Variants in RIMS2 observed in about 807,000 individuals in gnomAD.
The protein encoded by RIMS2 is regulating synaptic membrane exocytosis 2, also known as regulating synaptic membrane exocytosis protein 2.
A neutral mutation model predicts 174.4 loss-of-function variants in RIMS2; 59 were observed. The observed-to-expected ratio is 0.34, with a 90% CI of 0.27 to 0.42. RIMS2 has a LOEUF of 0.42. RIMS2 is among the 10% of genes least tolerant of loss of function. RIMS2 has a pLI of 1.00. For missense variants in RIMS2, 1,620 were observed against 1,666.3 expected (o/e 0.97, Z 0.48); for synonymous variants, 606 against 572.5 (o/e 1.06, Z -0.84).
At chr8:103,703,586 G>A (rs1022193787) in intron 2 of RIMS2, among the ~76,000 whole-genome samples, 4 of 152,066 alleles carry the variant, frequency 2.6e-5, no homozygotes, top group African/African-American at 9.7e-5. Flanking sequence ...GCTTTTGGTA[G>A]TTTCAACATT....
chr8:104,106,631 A>T (rs557202467), intron 19 of RIMS2, among the ~76,000 whole-genome samples: 1 of 152,334 alleles, frequency 6.6e-6, no homozygotes, highest in African/African-American at 2.4e-5. Context: ...TTAGTATGAA[A>T]GTAGAGAAAT....
intron 19 of RIMS2, among the ~76,000 whole-genome samples, chr8:104,023,975 A>T (rs1391176205): frequency 1.3e-5 from 2 of 152,184 alleles, no homozygotes; most frequent in Non-Finnish European, 2.9e-5. Flanking sequence ...AGCAAGTAGG[A>T]AGTCACTATG....
intron 19 of RIMS2, among the ~76,000 whole-genome samples, chr8:104,197,989 A>T (rs753766328): frequency 1.1e-4 from 17 of 152,002 alleles, no homozygotes; most frequent in Non-Finnish European, 1.9e-4. Flanking sequence ...AAAATTTTTT[A>T]AAAACTTTAA....
intron 19 of RIMS2, among the ~76,000 whole-genome samples, chr8:104,138,106 G>T (rs1374136525): frequency 6.6e-6 from 1 of 152,114 alleles, no homozygotes; most frequent in Non-Finnish European, 1.5e-5. Flanking sequence ...CATCCATGTT[G>T]TTGTAAATGA....
intron 1 of RIMS2, chr8:103,568,952 G>A (rs1305139276): frequency 9.7e-6 from 7 of 722,390 alleles, no homozygotes; most frequent in Non-Finnish European, 1.7e-5. Flanking sequence ...GCGAGTTCAT[G>A]GTGTCTTACA....
At chr8:104,027,959 G>T (rs1202786712) in intron 19 of RIMS2, among the ~76,000 whole-genome samples, 1 of 151,978 alleles carries the variant, frequency 6.6e-6, no homozygotes, top group Non-Finnish European at 1.5e-5. Flanking sequence ...TAGAGAAAGG[G>T]TCTCACTGTC....
intron 2 of RIMS2, among the ~76,000 whole-genome samples, chr8:103,752,540 G>A (rs574175560): frequency 6.6e-6 from 1 of 151,982 alleles, no homozygotes; most frequent in Admixed American, 6.6e-5. Context: ...ATTACCTTGG[G>A]CAGTGTGGCC....
intron 19 of RIMS2, among the ~76,000 whole-genome samples, chr8:104,173,390 G>A (rs1229407539): frequency 3.3e-5 from 5 of 152,004 alleles, no homozygotes; most frequent in African/African-American, 1.2e-4. Context: ...CCTGATCTGT[G>A]CAGTTTGGGA....
rs1405007522 is a variant in RIMS2, at chr8:103,756,963, GTA to G, written c.388-9262_388-9261del. 4.3e-5 allele frequency among the ~76,000 whole-genome samples: 6 copies of G among 139,280 alleles called. No homozygotes were observed. The South Asian group carries it at 7.1e-4, about 17-fold the overall frequency. The allele number at this position is 139,280 out of a possible 152,430, so 91.4% of individuals were successfully genotyped here. A position where few individuals can be genotyped will look rare whatever the true frequency, so the allele number is the denominator to read the frequency against. The stretch of plus-strand genomic sequence containing the variant: ...GGACAGTTTTATTTCATCCTTTCTC[GTA>G]TGTGTGTGTGTGTCTGTGTGTGTGT... On this transcript the variant is annotated intron_variant, in intron 2 of 23. Coordinates refer to ENST00000504942, the Ensembl canonical transcript of RIMS2.
intron 2 of RIMS2, among the ~76,000 whole-genome samples, chr8:103,759,293 T>C (rs2098077942): frequency 6.6e-6 from 1 of 151,974 alleles, no homozygotes; most frequent in Non-Finnish European, 1.5e-5. Flanking sequence ...AGGACAGGTG[T>C]GGTGGCTCAC....
At chr8:103,616,909 G>A (rs1296004546) in intron 1 of RIMS2, among the ~76,000 whole-genome samples, 1 of 152,168 alleles carries the variant, frequency 6.6e-6, no homozygotes, top group African/African-American at 2.4e-5. Context: ...CATGTTCATG[G>A]ATAGGAAGAA....
chr8:104,189,512 G>T lies in RIMS2; in HGVS notation c.3335-55404G>T, dbSNP rs1341506787. ...AAGAGTGAAATCACCAAAAGATCCTGGTGTAAACTCTGGAAAGTTTATCTA... is the reference window on the plus strand; with the variant it reads ...AAGAGTGAAATCACCAAAAGATCCTTGTGTAAACTCTGGAAAGTTTATCTA... On this transcript the variant is annotated intron_variant, in intron 19 of 23. Transcript: ENST00000504942. Among the ~76,000 whole-genome samples, 4 of 150,496 alleles carry T rather than the reference G, an allele frequency of 2.7e-5. No homozygotes were observed. In the Admixed American group the frequency reaches 2.7e-4, roughly 10 times the overall value.
intron 1 of RIMS2, among the ~76,000 whole-genome samples, chr8:103,597,096 C>G (rs2094506668): frequency 6.6e-6 from 1 of 152,052 alleles, no homozygotes; most frequent in African/African-American, 2.4e-5. Context: ...GGAAAATTAA[C>G]AAACAGATTA....
Position 104,182,371 on chromosome 8 carries a change from TTTA to T in RIMS2, c.3335-62542_3335-62540del, listed in dbSNP as rs1266417613. 1.4e-4 allele frequency among the ~76,000 whole-genome samples: 21 copies of T among 151,812 alleles called. 1 individual carries two copies. Among genetic ancestry groups the T allele is most frequent in the Admixed American group, 1.4e-3 (21 of 15,192 alleles). Reference sequence around the variant, plus strand: ...AGAAAAATATCTTATTTTTAACAGCTTTATTGAGATTCATACAGCACATATCTG... The same window carrying T: ...AGAAAAATATCTTATTTTTAACAGCTTTGAGATTCATACAGCACATATCTG... On this transcript the variant is annotated intron_variant, in intron 19 of 23. Coordinates refer to ENST00000504942, the Ensembl canonical transcript of RIMS2.
chr8:103,900,795 A>C (rs2099324049), intron 4 of RIMS2, among the ~76,000 whole-genome samples: 1 of 152,120 alleles, frequency 6.6e-6, no homozygotes, highest in Non-Finnish European at 1.5e-5. Flanking sequence ...CTGGCAACTC[A>C]TCCTTTCTTT....
intron 19 of RIMS2, among the ~76,000 whole-genome samples, chr8:104,238,056 C>T (rs938336063): frequency 2.6e-5 from 4 of 152,078 alleles, no homozygotes; most frequent in African/African-American, 9.7e-5. Flanking sequence ...ACCCAAATGC[C>T]CGTCAATGAT....
chr8:103,832,435 TAA>T (rs1232950740), intron 3 of RIMS2, among the ~76,000 whole-genome samples: 1 of 152,150 alleles, frequency 6.6e-6, no homozygotes, highest in Non-Finnish European at 1.5e-5. Context: ...GTTACATAGG[TAA>T]ACTTATGTCA....
rs1208432174 is a variant in RIMS2 at position 104,093,769 on chromosome 8, T to G, written c.3334+79154T>G. 7 of 617,288 alleles carry G rather than the reference T, an allele frequency of 1.1e-5. 1 individual carries two copies. Among genetic ancestry groups the G allele is most frequent in the African/African-American group, 9.4e-5 (5 of 53,190 alleles). The allele number at this position is 617,288 out of a possible 1,614,324, so 38.2% of individuals were successfully genotyped here. A position where few individuals can be genotyped will look rare whatever the true frequency, so the allele number is the denominator to read the frequency against. Reference sequence around the variant, plus strand: ...TATTTTAAAGCCAGGGGAGCTTAACTTCAGTACATACTACTTTTTAATATA... The same window carrying G: ...TATTTTAAAGCCAGGGGAGCTTAACGTCAGTACATACTACTTTTTAATATA... On this transcript the variant is annotated intron_variant, in intron 19 of 23. Transcript: ENST00000504942.
chr8:103,845,178 C>CT (rs2098961324), intron 3 of RIMS2, among the ~76,000 whole-genome samples: 1 of 151,964 alleles, frequency 6.6e-6, no homozygotes, highest in African/African-American at 2.4e-5. Flanking sequence ...GTCAAAGATC[C>CT]TTTTTTAAAA....
Sources: allele counts gnomAD v4.1 joint callset (sites outside exome capture counted in the v4.1 genomes callset), GRCh38; gene constraint gnomAD v4.1.1; transcripts MANE v1.5; gene names NCBI Gene and HGNC (gene_info 2026-07-23, HGNC 2026-07-21).